DAP3: variants seen among roughly 807,000 people sequenced by gnomAD.
DAP3 encodes death associated protein 3.
In DAP3, 28 loss-of-function variants were observed where a neutral mutation model predicts 51.9. The observed-to-expected ratio is 0.54, with a 90% CI of 0.40 to 0.74. The LOEUF is 0.74. Ranked by LOEUF, DAP3 falls within the 30% of genes least tolerant of loss-of-function variation. DAP3 has a pLI of 0.00. For missense variants in DAP3, 458 were observed against 483.5 expected, an observed-to-expected ratio of 0.95 and a Z score of 0.49; for synonymous variants, 170 against 170.3, an observed-to-expected ratio of 1.00 and a Z score of 0.01.
chr1:155,688,073 T>G (rs964482682), upstream of DAP3: 1 of 1,580,886 alleles, frequency 6.3e-7, no homozygotes, highest in Non-Finnish European at 8.6e-7. Flanking sequence ...CTACTCACCG[T>G]GTCGGAGGCC....
intron 4 of DAP3, 111 bp from the exon 5 acceptor site, chr1:155,725,271 G>T: frequency 1.2e-6 from 1 of 828,034 alleles, no homozygotes. Flanking sequence ...GAGTAAATTA[G>T]AGGCATGCAA....
chr1:155,722,364 A>G (rs960566888), intron 4 of DAP3, among the ~76,000 whole-genome samples: 2 of 152,004 alleles, frequency 1.3e-5, no homozygotes, highest in African/African-American at 4.8e-5. Context: ...CCATGATTGC[A>G]CCACTGTACC....
chr1:155,716,157 T>A (rs1657307449), intron 2 of DAP3, among the ~76,000 whole-genome samples: 1 of 152,212 alleles, frequency 6.6e-6, no homozygotes, highest in Non-Finnish European at 1.5e-5. Flanking sequence ...TTTGTTTCCG[T>A]ATAGGACAGA....
At chr1:155,689,567 G>A (rs1235568577) in intron 1 of DAP3, 1 of 374,252 alleles carries the variant, frequency 2.7e-6, no homozygotes, top group South Asian at 2.0e-5. Context: ...TTATCAAAAA[G>A]TGTACATAAA....
At chr1:155,688,482 C>G, upstream of DAP3, 1 of 1,549,696 alleles carries the variant, frequency 6.5e-7, no homozygotes, top group Non-Finnish European at 8.7e-7. Flanking sequence ...GCACGTCAGC[C>G]CGCACGCGTA....
intron 3 of DAP3, 111 bp from the exon 4 acceptor site, chr1:155,721,400 GTATATA>G (rs58709945): frequency 1.9e-4 from 82 of 435,602 alleles, no homozygotes; most frequent in Middle Eastern, 6.5e-4. Flanking sequence ...ATGTATGTAT[GTATATA>G]TATATATATA....
intron 6 of DAP3, chr1:155,726,770 G>A (rs1190309448): frequency 7.4e-6 from 1 of 134,312 alleles, no homozygotes; most frequent in Non-Finnish European, 1.5e-5. Context: ...GGGCAACAAA[G>A]CAAGACCCTG....
At chr1:155,724,720 GC>G (rs1658380602) in intron 4 of DAP3, among the ~76,000 whole-genome samples, 1 of 151,852 alleles carries the variant, frequency 6.6e-6, no homozygotes. Flanking sequence ...ACTTTGGGAG[GC>G]CAAGACGGGG....
intron 6 of DAP3, 137 bp from the exon 7 acceptor site, chr1:155,727,468 CAAA>C (rs201880344): frequency 0.017 from 8,320 of 502,072 alleles, no homozygotes; most frequent in South Asian, 0.027. Context: ...GACCCTGTCT[CAAA>C]AAAAAAAAAA....
chr1:155,732,157 C>T (rs370024874), intron 11 of DAP3, 124 bp downstream of exon 11: 2 of 713,236 alleles, frequency 2.8e-6, no homozygotes, highest in Non-Finnish European at 4.4e-6. Flanking sequence ...CCTGTATGCC[C>T]TTCCCCTGGA....
chr1:155,707,459 T>G (rs1249079022), intron 1 of DAP3, among the ~76,000 whole-genome samples: 1 of 151,780 alleles, frequency 6.6e-6, no homozygotes, highest in Non-Finnish European at 1.5e-5. Flanking sequence ...ATTAATTACA[T>G]AGACATTTAA....
upstream of DAP3, chr1:155,688,079 A>T: frequency 6.3e-7 from 1 of 1,585,478 alleles, no homozygotes; most frequent in Non-Finnish European, 8.6e-7. Context: ...ACCGTGTCGG[A>T]GGCCGAGAGC....
At chr1:155,688,365 G>A (rs1292404865), upstream of DAP3, 2 of 1,547,094 alleles carry the variant, frequency 1.3e-6, no homozygotes, top group Admixed American at 2.0e-5. Flanking sequence ...AGCTCCTCCA[G>A]AGGGAGGGAG....
At chr1:155,730,697 A>G (rs534466026) in intron 9 of DAP3, among the ~76,000 whole-genome samples, 2 of 152,338 alleles carry the variant, frequency 1.3e-5, no homozygotes, top group Admixed American at 6.5e-5. Flanking sequence ...CTATTCATTG[A>G]AAACTAAGGG....
rs539988139 is a variant in DAP3 at position 155,694,621 on chromosome 1, C to G, written c.-8+5447C>G. On this transcript the variant is annotated intron_variant, in intron 1 of 12. Transcript: ENST00000368336. ...TGGCTGAAATGTTCATTCGAGCCAT[C>G]AGGCGTGCTGGGAGTGGAGATCTTG... 2.0e-5 allele frequency among the ~76,000 whole-genome samples: 3 copies of G among 149,816 alleles called. No individual in the cohort carries two copies. The East Asian group carries it at 5.8e-4, about 29-fold the overall frequency.
In DAP3 at chr1:155,732,053, T is replaced by C; in HGVS notation, c.993+20T>C. ...GGAAAGGTCAAGTCAAAGGAAAATT[T>C]GTTTCTACTTAGATTGTTATCCTGT... On this transcript the variant is annotated intron_variant, in intron 11 of 12. Coordinates refer to ENST00000368336, the MANE Select transcript of DAP3 (RefSeq NM_004632.4). The C allele has an allele frequency of 6.3e-7, 1 of 1,590,962 alleles. No individual in the cohort carries two copies. The highest frequency in any genetic ancestry group is 8.6e-7 in the Non-Finnish European group (1 of 1,167,842).
At chr1:155,733,445 G>A (rs1211313393) in intron 11 of DAP3, among the ~76,000 whole-genome samples, 4 of 152,156 alleles carry the variant, frequency 2.6e-5, no homozygotes, top group Non-Finnish European at 4.4e-5. Flanking sequence ...TGGAGCCTCC[G>A]CAGCTGGTAT....
chr1:155,726,154 GC>G, intron 6 of DAP3, 135 bp downstream of exon 6: 1 of 758,844 alleles, frequency 1.3e-6, no homozygotes, highest in Non-Finnish European at 2.0e-6. Context: ...GCTCTTGTCG[GC>G]CAGTCTGGAG....
intron 2 of DAP3, among the ~76,000 whole-genome samples, chr1:155,711,595 T>C (rs1218704476): frequency 2.0e-5 from 3 of 151,808 alleles, no homozygotes; most frequent in African/African-American, 7.3e-5. Context: ...TTTTTTTTTT[T>C]TACTAGTTTG....
Sources: gnomAD v4.1 joint callset for allele counts (sites outside exome capture counted in the v4.1 genomes callset) on GRCh38, gnomAD v4.1.1 for gene constraint, MANE v1.5 for transcripts, NCBI Gene and HGNC (gene_info 2026-07-23, HGNC 2026-07-21) for gene names.